Variants in DOP1A observed in about 807,000 individuals in gnomAD.
The protein encoded by DOP1A is DOP1 leucine zipper like protein A.
A neutral mutation model predicts 267.6 loss-of-function variants in DOP1A; 90 were observed. The ratio of observed to expected loss-of-function variants is 0.34; its 90% CI spans 0.28 to 0.40. The LOEUF (loss-of-function observed/expected upper bound fraction) is 0.40. DOP1A is among the 10% of genes least tolerant of loss of function. The pLI, the probability that DOP1A is intolerant of heterozygous loss-of-function variation, is 1.00. For synonymous variants in DOP1A, 932 were observed against 999.1 expected (o/e 0.93, Z 1.27); for missense variants, 2,437 against 2,900.4 (o/e 0.84, Z 3.67).
chr6:83,164,861 AAGG>A, intron 38 of DOP1A: 1 of 628,648 alleles, frequency 1.6e-6, no homozygotes, highest in Non-Finnish European at 2.8e-6. Context: ...GGTGAAGTCA[AAGG>A]AGAAATCATT....
intron 17 of DOP1A, among the ~76,000 whole-genome samples, chr6:83,131,768 T>A (rs1778078465): frequency 6.6e-6 from 1 of 152,132 alleles, no homozygotes; most frequent in African/African-American, 2.4e-5. Context: ...CCCGAGTAGC[T>A]GGGATTACAG....
intron 37 of DOP1A, among the ~76,000 whole-genome samples, chr6:83,162,177 T>G (rs936703510): frequency 6.6e-6 from 1 of 152,296 alleles, no homozygotes; most frequent in Non-Finnish European, 1.5e-5. Context: ...ATGAATCCTA[T>G]GCGGGGAGGG....
At chr6:83,072,793 A>G (rs1785837523) in intron 1 of DOP1A, among the ~76,000 whole-genome samples, 1 of 152,226 alleles carries the variant, frequency 6.6e-6, no homozygotes, top group South Asian at 2.1e-4. Context: ...TTTTTATCGA[A>G]TATTCTACAT....
At chr6:83,068,448 A>G (rs963088609) in intron 1 of DOP1A, among the ~76,000 whole-genome samples, 6 of 151,914 alleles carry the variant, frequency 3.9e-5, no homozygotes, top group Non-Finnish European at 8.8e-5. Context: ...GCACACAACT[A>G]TTTTTCTTAA....
chr6:83,101,207 G>A (rs950079584), intron 4 of DOP1A, among the ~76,000 whole-genome samples: 11 of 152,126 alleles, frequency 7.2e-5, no homozygotes, highest in Non-Finnish European at 1.2e-4. Flanking sequence ...TAGTAGAGAC[G>A]GGGTTTCACC....
rs1272208364 is a variant in DOP1A, at chr6:83,166,448, GTC to G, written c.7093-1410_7093-1409del. The G allele has an allele frequency of 1.1e-5, 8 of 701,594 alleles. No individual in the cohort carries two copies. The South Asian group carries it at 1.2e-4, about 10-fold the overall frequency. 43.5% of individuals were successfully genotyped at this position (701,594 alleles called of 1,614,324 possible). On this transcript the variant is annotated intron_variant, in intron 38 of 38. Coordinates refer to ENST00000349129, the MANE Select transcript of DOP1A (RefSeq NM_015018.4). ...AAATGCATTGTTGATGTTGTGTGTTGTCTCTGCTGCTTTATAACCTATTTTGA... is the reference window on the plus strand; with the variant it reads ...AAATGCATTGTTGATGTTGTGTGTTGTCTGCTGCTTTATAACCTATTTTGA...
rs1334381752 is a variant in DOP1A, at chr6:83,140,323, C to A, written c.5335C>A (p.Leu1779Met). ...MSSVTLLWSI[L>M]HQADSSEKMT... ...CTCTGTGACACTGCTTTGGAGCATA[C>A]TGCATCAAGCTGATTCTTCAGAAAA... The change falls in exon 23 of 39, where the codon CTG (leucine) becomes ATG (methionine). Residue 1779 changes from leucine to methionine, a missense_variant. Transcript: ENST00000349129. 1.9e-6 allele frequency: 3 copies of A among 1,613,374 alleles called. No individual in the cohort carries two copies. The African/African-American group carries it at 4.0e-5, about 22-fold the overall frequency.
chr6:83,108,863 G>T (rs1205100102), intron 4 of DOP1A, 47 bp from the exon 5 acceptor site: 2 of 1,525,746 alleles, frequency 1.3e-6, no homozygotes, highest in Non-Finnish European at 1.8e-6. Flanking sequence ...AATTAATATT[G>T]TATAGTTATT....
intron 4 of DOP1A, among the ~76,000 whole-genome samples, chr6:83,107,414 A>T (rs371870203): frequency 2.0e-4 from 30 of 152,318 alleles, no homozygotes; most frequent in African/African-American, 7.0e-4. Flanking sequence ...AACTGAAGCC[A>T]TTCTTTCTTG....
intron 20 of DOP1A, among the ~76,000 whole-genome samples, chr6:83,136,572 T>A (rs1322025680): frequency 2.0e-5 from 3 of 152,142 alleles, no homozygotes; most frequent in African/African-American, 7.2e-5. Context: ...TCATGGCTAT[T>A]AAGTGATGAA....
In DOP1A at chr6:83,135,913, G is replaced by A. The variant is rs369857115; in HGVS notation, c.3130+35G>A. ...ACATAGAAGTAGACAGCTTTATTTA[G>A]AATTATTAAAATAAAGTGATACATG... is the stretch of plus-strand genomic sequence containing the variant. On this transcript the variant is annotated intron_variant, in intron 20 of 38. Coordinates refer to ENST00000349129, the MANE Select transcript of DOP1A (RefSeq NM_015018.4). The A allele has an allele frequency of 1.4e-5, 22 of 1,595,360 alleles. No individual in the cohort carries two copies. In the African/African-American group the frequency reaches 2.3e-4, roughly 17 times the overall value.
At chr6:83,094,310 A>C (rs1280246236) in intron 1 of DOP1A, among the ~76,000 whole-genome samples, 1 of 152,200 alleles carries the variant, frequency 6.6e-6, no homozygotes, top group Non-Finnish European at 1.5e-5. Flanking sequence ...CAGTTGATGA[A>C]TATTTGGGTT....
rs751401416 is a variant in DOP1A at position 83,096,947 on chromosome 6, G to A, written c.-31G>A. ...TAGGTAATGACTTTACATGAGTTTG[G>A]AACTGGTCTCTAGTGGGAAGTTGTG... On this transcript the variant is annotated 5_prime_UTR_variant, in exon 3 of 39. Coordinates refer to ENST00000349129, the MANE Select transcript of DOP1A (RefSeq NM_015018.4). 1 of 1,610,244 alleles carries A rather than the reference G, an allele frequency of 6.2e-7. No homozygotes were observed. Among genetic ancestry groups the A allele is most frequent in the Admixed American group, 1.7e-5 (1 of 59,360 alleles).
intron 37 of DOP1A, 110 bp downstream of exon 37, chr6:83,160,070 A>T (rs1783865864): frequency 9.8e-7 from 1 of 1,016,990 alleles, no homozygotes. Context: ...AATATTCCTA[A>T]TTTTTACTAA....
At chr6:83,165,962 A>C (rs1419151126) in intron 38 of DOP1A, 3 of 337,110 alleles carry the variant, frequency 8.9e-6, no homozygotes, top group Non-Finnish European at 1.7e-5. Context: ...AATGACCATG[A>C]CCATTTTTTG....
At chr6:83,120,896 T>C in intron 10 of DOP1A, 105 bp downstream of exon 10, 1 of 777,086 alleles carries the variant, frequency 1.3e-6, no homozygotes, top group Non-Finnish European at 1.9e-6. Context: ...AGGTGGCCTT[T>C]AAATATAAGT....
intron 38 of DOP1A, 110 bp downstream of exon 38, chr6:83,163,029 T>C (rs1213277929): frequency 1.5e-6 from 2 of 1,293,294 alleles, no homozygotes; most frequent in Non-Finnish European, 2.1e-6. Flanking sequence ...GTTGAGCTAT[T>C]TTGAAAACAA....
chr6:83,068,801 C>G (rs1460225639), intron 1 of DOP1A, among the ~76,000 whole-genome samples: 1 of 152,232 alleles, frequency 6.6e-6, no homozygotes, highest in African/African-American at 2.4e-5. Context: ...GGTGGGCCGA[C>G]TGAAGTTATG....
chr6:83,095,731 C>T (rs1193898113), intron 1 of DOP1A, among the ~76,000 whole-genome samples: 1 of 152,270 alleles, frequency 6.6e-6, no homozygotes, highest in African/African-American at 2.4e-5. Context: ...GTATTCCTGG[C>T]TTCGGGTAAC....
Sources: gnomAD v4.1 joint callset for allele counts (sites outside exome capture counted in the v4.1 genomes callset) on GRCh38, gnomAD v4.1.1 for gene constraint, MANE v1.5 for transcripts, NCBI Gene and HGNC (gene_info 2026-07-23, HGNC 2026-07-21) for gene names.